The following PRKCB variants were observed in gnomAD, a reference collection of about 807,000 sequenced individuals.
PRKCB encodes the protein protein kinase C beta.
A neutral mutation model predicts 81.5 loss-of-function variants in PRKCB; 13 were observed. The observed-to-expected ratio is 0.16, with a 90% CI of 0.10 to 0.25. The LOEUF (loss-of-function observed/expected upper bound fraction) is 0.25. Ranked by LOEUF, PRKCB falls within the 10% of genes least tolerant of loss-of-function variation. The probability of loss-of-function intolerance (pLI) is 1.00; values close to 1 mark genes in which losing one functional copy is unlikely to be tolerated. For synonymous variants in PRKCB, 335 were observed against 321.4 expected, an observed-to-expected ratio of 1.04 and a Z score of -0.45; for missense variants, 509 against 875.7, an observed-to-expected ratio of 0.58 and a Z score of 5.29.
At chr16:24,054,676 G>T (rs1976196) in intron 5 of PRKCB, among the ~76,000 whole-genome samples, 4 of 152,032 alleles carry the variant, frequency 2.6e-5, no homozygotes, top group South Asian at 2.1e-4. Flanking sequence ...GGGAGGAAAA[G>T]GTTCTTTTCT....
At chr16:24,048,835 A>G (rs757104852) in intron 5 of PRKCB, among the ~76,000 whole-genome samples, 1 of 151,978 alleles carries the variant, frequency 6.6e-6, no homozygotes, top group Non-Finnish European at 1.5e-5. Context: ...TAGGAACTCT[A>G]CAAGCGTTCC....
intron 10 of PRKCB, among the ~76,000 whole-genome samples, chr16:24,157,710 T>A (rs1325060266): frequency 6.7e-6 from 1 of 149,412 alleles, no homozygotes; most frequent in Non-Finnish European, 1.5e-5. Flanking sequence ...TCCATGCTAG[T>A]CATGAGAGTG....
chr16:24,126,881 C>T (rs913795584), intron 9 of PRKCB, among the ~76,000 whole-genome samples: 3 of 151,832 alleles, frequency 2.0e-5, no homozygotes, highest in African/African-American at 7.3e-5. Flanking sequence ...CTATGTTTCC[C>T]AGGCTGCTCA....
At chr16:24,117,023 C>A (rs1966743478) in intron 8 of PRKCB, among the ~76,000 whole-genome samples, 1 of 152,150 alleles carries the variant, frequency 6.6e-6, no homozygotes, top group Non-Finnish European at 1.5e-5. Flanking sequence ...CAAGAGCCTG[C>A]AAATGCTTGT....
chr16:23,969,155 G>A (rs1964525701), intron 2 of PRKCB, among the ~76,000 whole-genome samples: 2 of 152,132 alleles, frequency 1.3e-5, no homozygotes, highest in Non-Finnish European at 2.9e-5. Flanking sequence ...GGGCGACAGG[G>A]TGAGACCCTG....
intron 3 of PRKCB, among the ~76,000 whole-genome samples, chr16:24,024,757 A>T (rs1384742066): frequency 6.6e-6 from 1 of 152,194 alleles, no homozygotes; most frequent in Non-Finnish European, 1.5e-5. Context: ...TGTTCAGGGA[A>T]TGTGGATGTC....
intron 2 of PRKCB, among the ~76,000 whole-genome samples, chr16:23,849,999 C>T (rs1158759946): frequency 6.6e-6 from 1 of 152,144 alleles, no homozygotes; most frequent in African/African-American, 2.4e-5. Flanking sequence ...TTCTGGTAAC[C>T]ATCCTCCTAC....
intron 7 of PRKCB, among the ~76,000 whole-genome samples, chr16:24,097,180 G>A (rs894327052): frequency 6.6e-6 from 1 of 151,922 alleles, no homozygotes; most frequent in Non-Finnish European, 1.5e-5. Context: ...GGGACTACAG[G>A]TGCCCGCCAC....
In PRKCB at chr16:24,218,462, C is replaced by T. The variant is rs1968267709; in HGVS notation, c.*3646C>T. On this transcript the variant is annotated 3_prime_UTR_variant, in exon 17 of 17. Coordinates refer to ENST00000643927, the MANE Select transcript of PRKCB (RefSeq NM_002738.7). The stretch of plus-strand genomic sequence containing the variant: ...GCTCCATCAGCATCTTAGCCTGCCC[C>T]ACTCTAGCCACACATACCCACGTGT... The T allele has an allele frequency of 2.0e-6, 2 of 985,332 alleles. No homozygotes were observed. Among genetic ancestry groups the T allele is most frequent in the Non-Finnish European group, 2.4e-6 (2 of 829,982 alleles). The allele number at this position is 985,332 out of a possible 1,614,324, so 61.0% of individuals were successfully genotyped here.
At chr16:23,876,110 C>T (rs749983544) in intron 2 of PRKCB, among the ~76,000 whole-genome samples, 1 of 152,198 alleles carries the variant, frequency 6.6e-6, no homozygotes, top group Non-Finnish European at 1.5e-5. Flanking sequence ...TTTACACACG[C>T]ATGCAGTCAT....
intron 16 of PRKCB, among the ~76,000 whole-genome samples, chr16:24,197,784 C>G (rs1447907451): frequency 1.3e-5 from 2 of 152,110 alleles, no homozygotes; most frequent in Non-Finnish European, 2.9e-5. Flanking sequence ...CTTGTAGGCA[C>G]TCAGTCATTG....
chr16:24,187,205 C>G (rs1967716507), intron 15 of PRKCB, among the ~76,000 whole-genome samples: 1 of 152,238 alleles, frequency 6.6e-6, no homozygotes, highest in Non-Finnish European at 1.5e-5. Context: ...CCACATTGGC[C>G]TGTCATTCTT....
At chr16:23,877,909 C>T (rs547538109) in intron 2 of PRKCB, among the ~76,000 whole-genome samples, 88 of 151,886 alleles carry the variant, frequency 5.8e-4, no homozygotes, top group Non-Finnish European at 9.9e-4. Flanking sequence ...TCTCGGCTCA[C>T]CGCAACCTCC....
intron 5 of PRKCB, among the ~76,000 whole-genome samples, chr16:24,035,795 A>C (rs1181049662): frequency 6.6e-6 from 1 of 152,204 alleles, no homozygotes; most frequent in Admixed American, 6.5e-5. Context: ...TTGGGTTCAG[A>C]GAGGAGACGT....
At chr16:24,127,614 T>C (rs1966846796) in intron 9 of PRKCB, among the ~76,000 whole-genome samples, 1 of 151,616 alleles carries the variant, frequency 6.6e-6, no homozygotes, top group South Asian at 2.1e-4. Flanking sequence ...GAGAGTCCCA[T>C]GGAAAGGATT....
intron 2 of PRKCB, among the ~76,000 whole-genome samples, chr16:23,913,584 C>T (rs1465056207): frequency 6.6e-6 from 1 of 152,116 alleles, no homozygotes; most frequent in Non-Finnish European, 1.5e-5. Flanking sequence ...AATAATGTGA[C>T]AAAAATGGTT....
intron 7 of PRKCB, among the ~76,000 whole-genome samples, chr16:24,104,861 G>A (rs953989460): frequency 2.6e-5 from 4 of 152,060 alleles, no homozygotes; most frequent in Non-Finnish European, 5.9e-5. Flanking sequence ...GGATCCTGTC[G>A]GCCTTGTCAG....
intron 5 of PRKCB, among the ~76,000 whole-genome samples, chr16:24,074,139 A>G (rs1966148828): frequency 6.6e-6 from 1 of 152,132 alleles, no homozygotes; most frequent in Non-Finnish European, 1.5e-5. Flanking sequence ...CATCTCAAAA[A>G]AAAAAAAAGA....
chr16:24,212,424 G>GT (rs1195475078), intron 16 of PRKCB, among the ~76,000 whole-genome samples: 1 of 105,694 alleles, frequency 9.5e-6, no homozygotes, highest in Non-Finnish European at 2.0e-5. Flanking sequence ...AAAAAAAAAG[G>GT]TTTTTCAAGA....
Sources: gnomAD v4.1 joint callset for allele counts (sites outside exome capture counted in the v4.1 genomes callset) on GRCh38, gnomAD v4.1.1 for gene constraint, MANE v1.5 for transcripts, NCBI Gene and HGNC (gene_info 2026-07-23, HGNC 2026-07-21) for gene names.